Variants in MLIP observed in about 807,000 individuals in gnomAD.
The protein encoded by MLIP is muscular LMNA-interacting protein.
Under a neutral mutation model 84.8 loss-of-function variants are expected in MLIP, and 79 were observed. That is an observed-to-expected ratio of 0.93 (90% CI 0.78 to 1.12). The LOEUF (loss-of-function observed/expected upper bound fraction) is 1.12, where lower values mean the gene tolerates loss of function less well. Ranked by LOEUF, MLIP falls within the 50% of genes most tolerant of loss-of-function variation. The probability of loss-of-function intolerance (pLI) is 0.00; values close to 1 mark genes in which losing one functional copy is unlikely to be tolerated. For synonymous variants in MLIP, 504 were observed against 463.0 expected (o/e 1.09, Z -1.14); for missense variants, 1,257 against 1,160.6 (o/e 1.08, Z -1.21).
intron 13 of MLIP, among the ~76,000 whole-genome samples, chr6:54,264,989 A>G (rs1474782291): frequency 4.6e-5 from 7 of 152,108 alleles, no homozygotes; most frequent in Non-Finnish European, 1.5e-5. Flanking sequence ...CACCTTGCAC[A>G]TAGGAGCCAG....
chr6:54,230,602 T>C (rs1433268168), intron 11 of MLIP, 112 bp from the exon 12 acceptor site: 6 of 882,896 alleles, frequency 6.8e-6, no homozygotes, highest in Admixed American at 1.9e-5. Context: ...TGAGGAGAGG[T>C]TGTCTTCTTA....
intron 1 of MLIP, among the ~76,000 whole-genome samples, chr6:54,037,279 A>G (rs1764499476): frequency 6.6e-6 from 1 of 151,980 alleles, no homozygotes; most frequent in Non-Finnish European, 1.5e-5. Flanking sequence ...GCATCAATTC[A>G]CATATTTGGT....
chr6:54,219,220 A>AAAAAAT (rs762712468), intron 11 of MLIP, among the ~76,000 whole-genome samples: 5 of 151,666 alleles, frequency 3.3e-5, no homozygotes, highest in East Asian at 3.9e-4. Context: ...AAATAAAAAT[A>AAAAAAT]AAAAATAAAA....
chr6:54,149,266 A>C (rs1773189067), intron 5 of MLIP, 139 bp downstream of exon 5: 2 of 756,444 alleles, frequency 2.6e-6, no homozygotes, highest in Non-Finnish European at 4.3e-6. Flanking sequence ...GTTTAGGATG[A>C]TGTGGTGAAA....
At chr6:54,024,411 G>A (rs1428614573) in intron 1 of MLIP, among the ~76,000 whole-genome samples, 1 of 152,324 alleles carries the variant, frequency 6.6e-6, no homozygotes, top group Non-Finnish European at 1.5e-5. Flanking sequence ...ATTCGTGCTT[G>A]GTTCTAATTC....
chr6:54,259,529 A>C (rs1369406031), intron 13 of MLIP, among the ~76,000 whole-genome samples: 3 of 151,938 alleles, frequency 2.0e-5, no homozygotes. Context: ...AATGCAAAAG[A>C]CTTTGTGAGC....
At chr6:54,193,199 A>T (rs964860487) in intron 10 of MLIP, among the ~76,000 whole-genome samples, 2 of 152,190 alleles carry the variant, frequency 1.3e-5, no homozygotes, top group African/African-American at 2.4e-5. Flanking sequence ...CTTCTCTTCT[A>T]CTATTAAACT....
At chr6:54,116,592 A>C (rs988951869) in intron 1 of MLIP, among the ~76,000 whole-genome samples, 1 of 152,212 alleles carries the variant, frequency 6.6e-6, no homozygotes, top group Non-Finnish European at 1.5e-5. Context: ...AGAAAGTTGA[A>C]TCAGCAATAA....
At chr6:54,069,941 A>G (rs1217277228) in intron 1 of MLIP, among the ~76,000 whole-genome samples, 1 of 113,902 alleles carries the variant, frequency 8.8e-6, no homozygotes, top group African/African-American at 2.5e-5. Flanking sequence ...CAACCTGGAA[A>G]AATATGGAGT....
intron 5 of MLIP, among the ~76,000 whole-genome samples, chr6:54,159,176 G>A (rs1774355197): frequency 6.6e-6 from 1 of 152,088 alleles, no homozygotes; most frequent in East Asian, 1.9e-4. Flanking sequence ...GCCTCCCAAA[G>A]TGCTAGGATT....
intron 1 of MLIP, among the ~76,000 whole-genome samples, chr6:54,088,259 G>T (rs1421193568): frequency 6.6e-6 from 1 of 152,110 alleles, no homozygotes; most frequent in African/African-American, 2.4e-5. Context: ...GGAGGTTCAG[G>T]GTAGGAAGAA....
intron 5 of MLIP, 69 bp downstream of exon 5, chr6:54,149,196 T>C: frequency 7.2e-7 from 1 of 1,392,170 alleles, no homozygotes; most frequent in South Asian, 1.2e-5. Context: ...TTCTAAAATT[T>C]CTGTTGGGAA....
chr6:54,263,274 A>G (rs1021449554), intron 13 of MLIP, among the ~76,000 whole-genome samples: 2 of 152,060 alleles, frequency 1.3e-5, no homozygotes, highest in Non-Finnish European at 2.9e-5. Context: ...TTTAGAGTCC[A>G]TTGTACCTGC....
intron 11 of MLIP, among the ~76,000 whole-genome samples, chr6:54,207,572 A>G (rs1193959322): frequency 6.6e-6 from 1 of 152,172 alleles, no homozygotes; most frequent in Non-Finnish European, 1.5e-5. Flanking sequence ...AGGAGTAAAA[A>G]TCTTAAAGAG....
intron 3 of MLIP, among the ~76,000 whole-genome samples, chr6:54,125,366 T>C (rs949185745): frequency 1.3e-4 from 20 of 152,186 alleles, no homozygotes; most frequent in Non-Finnish European, 2.9e-4. Flanking sequence ...TTTTCCCCTG[T>C]GTATCCTAAG....
intron 1 of MLIP, among the ~76,000 whole-genome samples, chr6:54,120,438 C>T (rs1002344250): frequency 2.0e-5 from 3 of 152,090 alleles, no homozygotes; most frequent in East Asian, 3.9e-4. Flanking sequence ...GGGGTTTCAC[C>T]ATGTTAGCCA....
chr6:54,153,197 A>AT (rs570398731), intron 5 of MLIP, among the ~76,000 whole-genome samples: 141 of 150,064 alleles, frequency 9.4e-4, no homozygotes, highest in East Asian at 1.6e-3. Flanking sequence ...TAGGAAAAAC[A>AT]TTTTTTTTTG....
At chr6:54,113,515 T>C (rs1281874801) in intron 1 of MLIP, among the ~76,000 whole-genome samples, 1 of 152,188 alleles carries the variant, frequency 6.6e-6, no homozygotes, top group Non-Finnish European at 1.5e-5. Flanking sequence ...GATGATAAGG[T>C]ATTTTGACAT....
At chr6:54,018,999 GTCTTTCTC>G in exon 1 of MLIP, 1 of 1,574,260 alleles carries the variant, frequency 6.4e-7, no homozygotes, top group Non-Finnish European at 8.7e-7. Flanking sequence ...GTGTCTCTCA[GTCTTTCTC>G]TCTTTCTCAT....
Sources: gnomAD v4.1 joint callset for allele counts (sites outside exome capture counted in the v4.1 genomes callset) on GRCh38, gnomAD v4.1.1 for gene constraint, MANE v1.5 for transcripts, NCBI Gene and HGNC (gene_info 2026-07-23, HGNC 2026-07-21) for gene names.